The following TRIM39 variants were observed in gnomAD, a reference collection of about 807,000 sequenced individuals.
The protein encoded by TRIM39 is E3 ubiquitin-protein ligase TRIM39.
In TRIM39, 5 loss-of-function variants were observed where a neutral mutation model predicts 53.6. That is an observed-to-expected ratio of 0.09 (90% CI 0.05 to 0.20). The LOEUF (loss-of-function observed/expected upper bound fraction) is 0.20. Among genes scored for constraint, TRIM39 ranks in the 10% least tolerant of loss-of-function variants. The probability of loss-of-function intolerance (pLI) is 1.00; values close to 1 mark genes in which losing one functional copy is unlikely to be tolerated. For synonymous variants in TRIM39, 196 were observed against 237.6 expected (o/e 0.82, Z 1.61); for missense variants, 310 against 621.0 (o/e 0.50, Z 5.32).
At position 30,338,003 on chromosome 6, in the gene TRIM39, T is replaced by C. The variant is rs1450855589; in HGVS notation, c.781-1905T>C. Reference sequence around the variant, plus strand: ...CTTTTCTTAAAACAACCTACCTAACTTTAAACTTTTCTTCTGCAGCTTCCT... The same window carrying C: ...CTTTTCTTAAAACAACCTACCTAACCTTAAACTTTTCTTCTGCAGCTTCCT... On this transcript the variant is annotated intron_variant, in intron 5 of 7. Coordinates refer to ENST00000396551, the Ensembl canonical transcript of TRIM39. This position sits in a 1 kb window ranked among gnomAD's most constrained non-coding sequence, Gnocchi z 4.0. 6.6e-6 allele frequency among the ~76,000 whole-genome samples: 1 copy of C among 152,224 alleles called. No individual in the cohort carries two copies. Among genetic ancestry groups the C allele is most frequent in the Non-Finnish European group, 1.5e-5 (1 of 68,046 alleles).
At chr6:30,341,284 A>C in intron 7 of TRIM39, 1 of 440,606 alleles carries the variant, frequency 2.3e-6, no homozygotes, top group East Asian at 6.5e-5. Flanking sequence ...ATAGTCATAA[A>C]CCAGGCCAGT....
chr6:30,329,041 G>A (rs1193296678), exon 2 of TRIM39: 1 of 440,572 alleles, frequency 2.3e-6, no homozygotes, highest in Non-Finnish European at 4.0e-6. Flanking sequence ...AGAAAGCAGA[G>A]GTAAGAGACA....
chr6:30,337,355 A>T (rs143113783), intron 5 of TRIM39, among the ~76,000 whole-genome samples: 2 of 152,286 alleles, frequency 1.3e-5, no homozygotes, highest in Admixed American at 1.3e-4. Context: ...CAGTGAGCCA[A>T]GATCATGCAG....
At chr6:30,330,636 C>T in intron 3 of TRIM39, 145 bp from the exon 4 acceptor site, 1 of 814,792 alleles carries the variant, frequency 1.2e-6, no homozygotes, top group Non-Finnish European at 1.9e-6. Flanking sequence ...TCCCAAATGA[C>T]AGGCAAGGAA....
At chr6:30,333,533 T>C (rs1045477425) in intron 4 of TRIM39, among the ~76,000 whole-genome samples, 1 of 151,910 alleles carries the variant, frequency 6.6e-6, no homozygotes, top group Non-Finnish European at 1.5e-5. Flanking sequence ...GATTTTTTTT[T>C]TCTATTTTTA....
rs1787076657 is a variant in TRIM39 at position 30,338,038 on chromosome 6, C to T, written c.781-1870C>T. 6.6e-6 allele frequency among the ~76,000 whole-genome samples: 1 copy of T among 152,242 alleles called. No individual in the cohort carries two copies. Among genetic ancestry groups the T allele is most frequent in the Non-Finnish European group, 1.5e-5 (1 of 68,046 alleles). The stretch of plus-strand genomic sequence containing the variant: ...TCTTCTGCAGCTTCCTTACCTCTCT[C>T]AGCTTTCATAGAACTGAAGGAGTTA... On this transcript the variant is annotated intron_variant, in intron 5 of 7. Coordinates refer to ENST00000396551, the Ensembl canonical transcript of TRIM39. This position sits in a 1 kb window ranked among gnomAD's most constrained non-coding sequence, Gnocchi z 4.0.
intron 6 of TRIM39, 120 bp downstream of exon 6, chr6:30,340,050 A>T: frequency 6.8e-7 from 1 of 1,471,790 alleles, no homozygotes; most frequent in Non-Finnish European, 9.4e-7. Context: ...TGGGCAGGGT[A>T]TGGGAGAATG....
chr6:30,331,126 G>A (rs548194866), intron 4 of TRIM39, among the ~76,000 whole-genome samples: 16 of 152,136 alleles, frequency 1.1e-4, no homozygotes, highest in Non-Finnish European at 2.1e-4. Flanking sequence ...AAAATTAGCC[G>A]GGCATGGTGG....
intron 1 of TRIM39, chr6:30,327,758 T>C (rs1006021982): frequency 6.6e-6 from 1 of 152,226 alleles, no homozygotes; most frequent in African/African-American, 2.4e-5. Context: ...CAAGTCAAAG[T>C]TGGATTCCCA....
At chr6:30,327,496 C>T (rs779591252) in intron 1 of TRIM39, 1 of 152,712 alleles carries the variant, frequency 6.5e-6, no homozygotes, top group Admixed American at 6.5e-5. Flanking sequence ...TGAGATTGTC[C>T]CTGAAGTTTG....
At chr6:30,340,129 C>T in intron 6 of TRIM39, 199 bp downstream of exon 6, 5 of 1,070,674 alleles carry the variant, frequency 4.7e-6, no homozygotes, top group Non-Finnish European at 7.0e-6. Flanking sequence ...CCCCTTTGAA[C>T]ATCAGGACTT....
chr6:30,330,259 G>A (rs150661116), intron 3 of TRIM39, among the ~76,000 whole-genome samples: 84 of 152,302 alleles, frequency 5.5e-4, no homozygotes, highest in Middle Eastern at 6.8e-3. Flanking sequence ...TTAACTTACT[G>A]CTGAGACAAA....
intron 5 of TRIM39, among the ~76,000 whole-genome samples, chr6:30,337,984 T>G (rs560657458): frequency 1.3e-5 from 2 of 152,386 alleles, no homozygotes; most frequent in Non-Finnish European, 2.9e-5. Flanking sequence ...GCTTCTTTTC[T>G]TAAAACAACC....
exon 4 of TRIM39, chr6:30,330,836 G>A (rs377759954): frequency 2.4e-5 from 39 of 1,614,024 alleles, no homozygotes; most frequent in Non-Finnish European, 2.9e-5. Context: ...GAGATCACTC[G>A]CTGCAAGTCC....
chr6:30,332,968 A>T (rs901302289), intron 4 of TRIM39, among the ~76,000 whole-genome samples: 1 of 152,240 alleles, frequency 6.6e-6, no homozygotes, highest in Non-Finnish European at 1.5e-5. Context: ...AGAGTCTATC[A>T]TGTCCAAATA....
intron 7 of TRIM39, chr6:30,341,468 A>G (rs1338544156): frequency 1.4e-6 from 1 of 727,536 alleles, no homozygotes; most frequent in African/African-American, 1.7e-5. Context: ...GCGGGAACCT[A>G]GATTACCAGC....
At chr6:30,337,179 G>T (rs1562417144) in intron 5 of TRIM39, among the ~76,000 whole-genome samples, 1 of 152,168 alleles carries the variant, frequency 6.6e-6, no homozygotes, top group African/African-American at 2.4e-5. Flanking sequence ...AAGGCAGGTG[G>T]ATCACCTGAG....
intron 3 of TRIM39, 134 bp from the exon 4 acceptor site, chr6:30,330,647 G>A: frequency 1.1e-6 from 1 of 902,420 alleles, no homozygotes; most frequent in South Asian, 1.7e-5. Flanking sequence ...AGGCAAGGAA[G>A]GAAGTCAGAT....
rs5030608 is a variant in TRIM39, at chr6:30,328,873, C to CA, written c.-160-16_-160-15insA. ...TTAAGAAATGTTAATATTTTTATGA[C>CA]TTTTTTACTTCTCAGATTCCTTTCT... On this transcript the variant is annotated splice_polypyrimidine_tract_variant and intron_variant, in intron 1 of 7. Transcript: ENST00000396551. 148,214 of 158,158 alleles carry CA rather than the reference C, an allele frequency of 0.94. 69,572 individuals carry two copies. Among genetic ancestry groups the CA allele is most frequent in the Middle Eastern group, 0.98 (305 of 310 alleles). 9.8% of individuals were successfully genotyped at this position (158,158 alleles called of 1,614,324 possible). A position where few individuals can be genotyped will look rare whatever the true frequency, so the allele number is the denominator to read the frequency against.
Sources: allele counts gnomAD v4.1 joint callset (sites outside exome capture counted in the v4.1 genomes callset), GRCh38; gene constraint gnomAD v4.1.1; non-coding constraint Gnocchi (gnomAD v3.1); transcripts MANE v1.5; gene names NCBI Gene and HGNC (gene_info 2026-07-23, HGNC 2026-07-21).